Variants in LRP1B observed in about 807,000 individuals in gnomAD.
LRP1B encodes the protein LDL receptor related protein 1B.
Under a neutral mutation model 556.6 loss-of-function variants are expected in LRP1B, and 217 were observed. That is an observed-to-expected ratio of 0.39 (90% CI 0.35 to 0.44). The LOEUF (loss-of-function observed/expected upper bound fraction) is 0.44, where lower values mean the gene tolerates loss of function less well. Ranked by LOEUF, LRP1B falls within the 20% of genes least tolerant of loss-of-function variation. The pLI is 1.00. For synonymous variants in LRP1B, 2,047 were observed against 1,865.8 expected, an observed-to-expected ratio of 1.10 and a Z score of -2.50; for missense variants, 5,053 against 5,620.8, an observed-to-expected ratio of 0.90 and a Z score of 3.23.
At chr2:141,068,431 C>T (rs945546873) in intron 7 of LRP1B, among the ~76,000 whole-genome samples, 7 of 151,890 alleles carry the variant, frequency 4.6e-5, no homozygotes, top group Admixed American at 2.0e-4. Flanking sequence ...AAAGATTGGT[C>T]GGACCAGGTG....
intron 3 of LRP1B, among the ~76,000 whole-genome samples, chr2:141,309,400 G>T (rs183147809): frequency 2.2e-3 from 334 of 152,298 alleles, no homozygotes; most frequent in African/African-American, 7.7e-3. Flanking sequence ...TGATGCTATG[G>T]TCTGAATACT....
chr2:141,583,353 C>G (rs1687018864), intron 2 of LRP1B, among the ~76,000 whole-genome samples: 1 of 151,992 alleles, frequency 6.6e-6, no homozygotes, highest in African/African-American at 2.4e-5. Context: ...CCAAAGGTTA[C>G]AAACAGAGAT....
At chr2:140,602,506 G>T (rs543093702) in intron 41 of LRP1B, among the ~76,000 whole-genome samples, 1 of 151,866 alleles carries the variant, frequency 6.6e-6, no homozygotes, top group African/African-American at 2.4e-5. Context: ...AACAAAGAAC[G>T]TATACACTTT....
Position 141,554,563 on chromosome 2 carries a change from G to T in LRP1B, c.206-74030C>A, listed in dbSNP as rs1408119400. 4.6e-5 allele frequency among the ~76,000 whole-genome samples: 7 copies of T among 151,668 alleles called. No homozygotes were observed. The East Asian group carries it at 1.4e-3, about 29-fold the overall frequency. Reference sequence around the variant, plus strand: ...ATATATGAAAGGAAAGACATACTTGGATTAAGACAAATAATGTGGATAATA... The same window carrying T: ...ATATATGAAAGGAAAGACATACTTGTATTAAGACAAATAATGTGGATAATA... On this transcript the variant is annotated intron_variant, in intron 2 of 90. Coordinates refer to ENST00000389484, the MANE Select transcript of LRP1B (RefSeq NM_018557.3).
intron 7 of LRP1B, among the ~76,000 whole-genome samples, chr2:141,183,940 T>G (rs1681122780): frequency 6.6e-6 from 1 of 152,024 alleles, no homozygotes; most frequent in South Asian, 2.1e-4. Context: ...GTTGAATACT[T>G]TTGCAACAAG....
At chr2:141,601,127 C>A (rs1469301462) in intron 2 of LRP1B, among the ~76,000 whole-genome samples, 1 of 152,144 alleles carries the variant, frequency 6.6e-6, no homozygotes. Context: ...TGATCAGCTT[C>A]ACAATACTGC....
intron 7 of LRP1B, among the ~76,000 whole-genome samples, chr2:141,186,323 C>G (rs1681258354): frequency 6.7e-6 from 1 of 149,298 alleles, no homozygotes; most frequent in Admixed American, 6.7e-5. Flanking sequence ...AGAACATTTC[C>G]CCTTTAGTAG....
At chr2:141,652,975 G>T (rs1360031611) in intron 2 of LRP1B, among the ~76,000 whole-genome samples, 1 of 152,152 alleles carries the variant, frequency 6.6e-6, no homozygotes, top group Non-Finnish European at 1.5e-5. Flanking sequence ...ATTATTTTGG[G>T]TTGTGAGGAT....
chr2:142,045,037 C>T (rs1470979179), intron 1 of LRP1B, among the ~76,000 whole-genome samples: 1 of 151,300 alleles, frequency 6.6e-6, no homozygotes, highest in African/African-American at 2.4e-5. Context: ...ATGTAACTTC[C>T]TTTTTGAAAA....
intron 1 of LRP1B, among the ~76,000 whole-genome samples, chr2:141,973,631 A>G (rs1355031553): frequency 6.6e-6 from 1 of 151,888 alleles, no homozygotes; most frequent in Non-Finnish European, 1.5e-5. Context: ...TTCATCTTAT[A>G]GCTTGATTCT....
intron 7 of LRP1B, among the ~76,000 whole-genome samples, chr2:141,124,009 G>A (rs368439685): frequency 1.3e-5 from 2 of 152,104 alleles, no homozygotes; most frequent in African/African-American, 4.8e-5. Context: ...TTTAGGAAGA[G>A]TGAATAAGAG....
At chr2:142,107,697 G>A (rs1167724033) in intron 1 of LRP1B, among the ~76,000 whole-genome samples, 1 of 151,704 alleles carries the variant, frequency 6.6e-6, no homozygotes, top group Non-Finnish European at 1.5e-5. Flanking sequence ...GCACAATCTC[G>A]GCTCATTGCA....
intron 2 of LRP1B, among the ~76,000 whole-genome samples, chr2:141,659,104 G>A (rs922988409): frequency 6.6e-6 from 1 of 151,952 alleles, no homozygotes; most frequent in African/African-American, 2.4e-5. Flanking sequence ...GGGTCTCCCT[G>A]TGTTGCCCAG....
At chr2:140,446,598 C>T (rs943786647) in intron 63 of LRP1B, among the ~76,000 whole-genome samples, 1 of 152,050 alleles carries the variant, frequency 6.6e-6, no homozygotes, top group Non-Finnish European at 1.5e-5. Flanking sequence ...CCATGACTCT[C>T]AAGCAAAGTG....
intron 2 of LRP1B, among the ~76,000 whole-genome samples, chr2:141,537,454 A>G (rs1685105205): frequency 6.6e-6 from 1 of 152,130 alleles, no homozygotes. Context: ...ACGAATCAAG[A>G]CTTTAAAAAG....
intron 20 of LRP1B, 96 bp from the exon 21 acceptor site, chr2:140,923,243 C>A: frequency 1.1e-6 from 1 of 918,316 alleles, no homozygotes; most frequent in Non-Finnish European, 1.6e-6. Context: ...ACATTTTTTT[C>A]TTTCTTCAGG....
intron 41 of LRP1B, among the ~76,000 whole-genome samples, chr2:140,691,953 AG>A (rs1686258412): frequency 6.6e-6 from 1 of 152,162 alleles, no homozygotes; most frequent in African/African-American, 2.4e-5. Flanking sequence ...TATTGTTGAA[AG>A]TATATAGTTC....
chr2:140,876,469 A>G (rs1260786571), intron 25 of LRP1B, among the ~76,000 whole-genome samples: 5 of 152,158 alleles, frequency 3.3e-5, no homozygotes, highest in South Asian at 4.1e-4. Context: ...TGGTTATTTT[A>G]TCAAGGCTTT....
At chr2:140,782,895 TG>T (rs1689750744) in intron 32 of LRP1B, among the ~76,000 whole-genome samples, 1 of 152,020 alleles carries the variant, frequency 6.6e-6, no homozygotes, top group Non-Finnish European at 1.5e-5. Context: ...AATAAGCAAA[TG>T]GAAAAGTGAA....
Sources: allele counts gnomAD v4.1 joint callset (sites outside exome capture counted in the v4.1 genomes callset), GRCh38; gene constraint gnomAD v4.1.1; transcripts MANE v1.5; gene names NCBI Gene and HGNC (gene_info 2026-07-23, HGNC 2026-07-21).